Variants in DYRK4 observed in about 807,000 individuals in gnomAD.
The protein encoded by DYRK4 is dual specificity tyrosine-phosphorylation-regulated kinase 4.
Under a neutral mutation model 68.3 loss-of-function variants are expected in DYRK4, and 64 were observed. That is an observed-to-expected ratio of 0.94 (90% CI 0.77 to 1.15). The LOEUF is 1.15. Among genes scored for constraint, DYRK4 ranks in the 50% most tolerant of loss-of-function variants. The probability of loss-of-function intolerance (pLI) is 0.00; values close to 1 mark genes in which losing one functional copy is unlikely to be tolerated. For synonymous variants in DYRK4, 274 were observed against 289.9 expected (o/e 0.95, Z 0.56); for missense variants, 740 against 764.7 (o/e 0.97, Z 0.38).
chr12:4,579,644 C>T (rs903263882), intron 2 of DYRK4, among the ~76,000 whole-genome samples: 10 of 152,238 alleles, frequency 6.6e-5, no homozygotes, highest in East Asian at 1.9e-4. Context: ...CTATCTAAAT[C>T]GATAGAAATA....
rs1342942533 is a variant in DYRK4, at chr12:4,588,973, C to A, written c.169C>A (p.Pro57Thr). The A allele has an allele frequency of 6.5e-6, 10 of 1,535,966 alleles. No homozygotes were observed. Among genetic ancestry groups the A allele is most frequent in the Non-Finnish European group, 8.7e-6 (10 of 1,146,920 alleles). Residue 57 changes from proline to threonine, a missense_variant, in exon 3 of 15, where the codon CCT becomes ACT. Physicochemically the swap from Pro to Thr is conservative, Grantham distance 38. This residue lies in a region of DYRK4 where 70 missense variants were observed against 71.1 expected (regional missense o/e 0.98). Coordinates refer to ENST00000543431, the MANE Select transcript of DYRK4 (RefSeq NM_001394779.1). ...ACTTTCGGTTCAGATCCAGAAGCCA[C>A]CTTCCAATATCAAGAACTCCAGAAT... Reference protein sequence around the residue: ...SKLSVQIQKPPSNIKNSRMTQ... With the variant: ...SKLSVQIQKPTSNIKNSRMTQ...
At chr12:4,602,644 G>A in intron 10 of DYRK4, 1 of 1,393,658 alleles carries the variant, frequency 7.2e-7, no homozygotes, top group Non-Finnish European at 1.0e-6. Context: ...GGAGTTGGAA[G>A]ATCTGGGTAA....
At chr12:4,603,767 A>G (rs1945108602) in intron 10 of DYRK4, among the ~76,000 whole-genome samples, 1 of 152,232 alleles carries the variant, frequency 6.6e-6, no homozygotes, top group Non-Finnish European at 1.5e-5. Flanking sequence ...AAGAACTTGT[A>G]TGTTTTCCCT....
intron 12 of DYRK4, among the ~76,000 whole-genome samples, chr12:4,609,392 G>A (rs1945191536): frequency 6.6e-6 from 1 of 152,226 alleles, no homozygotes; most frequent in African/African-American, 2.4e-5. Flanking sequence ...ACGGCTCCTT[G>A]TGATTCTTAT....
chr12:4,612,473 T>G, intron 13 of DYRK4, 70 bp from the exon 14 acceptor site: 3 of 1,469,608 alleles, frequency 2.0e-6, no homozygotes, highest in Non-Finnish European at 2.7e-6. Context: ...CTTTATTGGG[T>G]TTTAAAAATG....
At chr12:4,601,497 G>A (rs570820585) in intron 10 of DYRK4, among the ~76,000 whole-genome samples, 28 of 152,076 alleles carry the variant, frequency 1.8e-4, no homozygotes, top group Non-Finnish European at 1.2e-4. Flanking sequence ...GTAATACCAC[G>A]CAGCTATTTG....
At chr12:4,604,816 A>T (rs1945121426) in intron 10 of DYRK4, 98 bp from the exon 11 acceptor site, 1 of 1,410,460 alleles carries the variant, frequency 7.1e-7, no homozygotes. Context: ...TTTCACTGCC[A>T]GCGGGGGCGC....
rs1945052289 is a variant in DYRK4 at position 4,599,224 on chromosome 12, C to T, written c.1044+58C>T. On this transcript the variant is annotated intron_variant, in intron 9 of 14. Coordinates refer to ENST00000543431, the MANE Select transcript of DYRK4 (RefSeq NM_001394779.1). ...CTCTGGAAATACCCATTCTATTCCC[C>T]AGGCCGTGTAACAATCACAAACTCC... 3 of 1,550,430 alleles carry T rather than the reference C, an allele frequency of 1.9e-6. No individual in the cohort carries two copies. The South Asian group carries it at 3.4e-5, about 18-fold the overall frequency.
At chr12:4,605,357 C>T (rs900853409) in intron 11 of DYRK4, among the ~76,000 whole-genome samples, 1 of 152,196 alleles carries the variant, frequency 6.6e-6, no homozygotes, top group African/African-American at 2.4e-5. Context: ...TTACACCGCT[C>T]TTTCAAAAAT....
chr12:4,612,699 T>TC lies in DYRK4; in HGVS notation c.1648dup (p.His550ProfsTer8). On this transcript the variant is annotated frameshift_variant, in exon 14 of 15. Transcript: ENST00000543431. LOFTEE classifies it low-confidence loss of function (END_TRUNC). ...CAAGGAAGGACAAGGTTCAAGGCTG[T>TC]CATCACTCGAGCAGAAAAGGTACAG... 6.2e-7 allele frequency: 1 copy of TC among 1,614,200 alleles called. No individual in the cohort carries two copies. The highest frequency in any genetic ancestry group is 8.5e-7 in the Non-Finnish European group (1 of 1,180,020).
intron 13 of DYRK4, among the ~76,000 whole-genome samples, chr12:4,612,281 A>T (rs1189992161): frequency 1.3e-5 from 2 of 152,212 alleles, no homozygotes; most frequent in African/African-American, 4.8e-5. Flanking sequence ...AATATTTCTT[A>T]TAAGGAAATT....
chr12:4,605,648 T>C lies in DYRK4; in HGVS notation c.1299+562T>C, dbSNP rs546736385. ...TAAGTTACCATTAAAATATATCTGGTGTGCAAATTTTGATAATTATTGAAA... is the reference window on the plus strand; with the variant it reads ...TAAGTTACCATTAAAATATATCTGGCGTGCAAATTTTGATAATTATTGAAA... On this transcript the variant is annotated intron_variant, in intron 11 of 14. Transcript: ENST00000543431. 1.1e-4 allele frequency among the ~76,000 whole-genome samples: 16 copies of C among 151,986 alleles called. No homozygotes were observed. In the South Asian group the frequency reaches 2.9e-3, roughly 28 times the overall value.
intron 2 of DYRK4, among the ~76,000 whole-genome samples, chr12:4,578,098 T>A (rs2137336539): frequency 6.6e-6 from 1 of 152,330 alleles, no homozygotes; most frequent in Non-Finnish European, 1.5e-5. Flanking sequence ...CTTTTTGTCT[T>A]AATAAATCAT....
At chr12:4,575,510 T>C (rs1441097078) in intron 2 of DYRK4, among the ~76,000 whole-genome samples, 3 of 151,846 alleles carry the variant, frequency 2.0e-5, no homozygotes, top group Non-Finnish European at 4.4e-5. Context: ...GGGGTTTCAC[T>C]ATGTTGGCCA....
chr12:4,588,845 A>G (rs1009075236), intron 2 of DYRK4, 92 bp from the exon 3 acceptor site: 17 of 1,275,284 alleles, frequency 1.3e-5, no homozygotes, highest in Admixed American at 2.0e-5. Context: ...GCTGGCCTCA[A>G]GCATAGTTTG....
intron 12 of DYRK4, 116 bp downstream of exon 12, chr12:4,607,503 T>G (rs541518631): frequency 1.7e-6 from 2 of 1,143,062 alleles, no homozygotes; most frequent in East Asian, 4.9e-5. Flanking sequence ...ATTAAGAGCG[T>G]CTTTCAGAGA....
chr12:4,578,726 G>C (rs531177333), intron 2 of DYRK4, among the ~76,000 whole-genome samples: 1 of 152,276 alleles, frequency 6.6e-6, no homozygotes, highest in African/African-American at 2.4e-5. Context: ...TTGTGGAAAA[G>C]CCTGAGTCTG....
chr12:4,607,682 C>T (rs1591808344), intron 12 of DYRK4, among the ~76,000 whole-genome samples: 1 of 152,198 alleles, frequency 6.6e-6, no homozygotes. Context: ...ATTGTAACTG[C>T]ATCCTCTCCC....
chr12:4,602,183 T>C, intron 10 of DYRK4: 1 of 771,916 alleles, frequency 1.3e-6, no homozygotes, highest in Non-Finnish European at 2.3e-6. Flanking sequence ...TTCAGAAAAG[T>C]TTTACTTACT....
Sources: allele counts gnomAD v4.1 joint callset (sites outside exome capture counted in the v4.1 genomes callset), GRCh38; gene constraint gnomAD v4.1.1; regional missense constraint gnomAD v4.1.1; transcripts MANE v1.5; gene names NCBI Gene and HGNC (gene_info 2026-07-23, HGNC 2026-07-21).